SELENOF: variants seen among roughly 807,000 people sequenced by gnomAD.
SELENOF encodes selenoprotein F, also known as 15 kDa selenoprotein.
SELENOF carries 16 observed loss-of-function variants against 20.5 expected under a neutral mutation model. That is an observed-to-expected ratio of 0.78 (90% CI 0.53 to 1.19). The LOEUF is 1.19. Among genes scored for constraint, SELENOF ranks in the 50% most tolerant of loss-of-function variants. The pLI is 0.00. For synonymous variants in SELENOF, 78 were observed against 74.5 expected (o/e 1.05, Z -0.24); for missense variants, 215 against 194.2 (o/e 1.11, Z -0.64).
intron 2 of SELENOF, among the ~76,000 whole-genome samples, chr1:86,899,791 C>T (rs1175770187): frequency 5.4e-5 from 8 of 147,152 alleles, no homozygotes; most frequent in African/African-American, 1.3e-4. Context: ...ACTTCTCAGA[C>T]GGGGCGGCTG....
chr1:86,888,026 C>T (rs189603637), intron 2 of SELENOF, among the ~76,000 whole-genome samples: 39 of 152,188 alleles, frequency 2.6e-4, no homozygotes, highest in Admixed American at 1.1e-3. Flanking sequence ...TTTGGGAGGC[C>T]GAGGTGGGCT....
At chr1:86,899,098 T>G (rs61800715) in intron 2 of SELENOF, among the ~76,000 whole-genome samples, 41,019 of 148,742 alleles carry the variant, frequency 0.28, 7,148 homozygotes, top group African/African-American at 0.49. Flanking sequence ...CACAAGGTTG[T>G]GGGGTAAGGT....
chr1:86,887,187 T>C (rs1358177813), intron 2 of SELENOF: 6 of 1,542,954 alleles, frequency 3.9e-6, no homozygotes, highest in Non-Finnish European at 5.2e-6. Context: ...TTAGAAACAA[T>C]GGATGAATAC....
At chr1:86,906,058 C>T (rs1557471932) in intron 1 of SELENOF, among the ~76,000 whole-genome samples, 1 of 152,166 alleles carries the variant, frequency 6.6e-6, no homozygotes, top group Admixed American at 6.5e-5. Flanking sequence ...TACTTGTTGG[C>T]ATATTCACCC....
chr1:86,879,688 G>A (rs551627935), intron 3 of SELENOF, among the ~76,000 whole-genome samples: 8 of 152,226 alleles, frequency 5.3e-5, no homozygotes, highest in African/African-American at 1.7e-4. Context: ...GAGAGAAAGC[G>A]TTATTACCTT....
At chr1:86,878,634 A>G (rs2740768) in intron 3 of SELENOF, among the ~76,000 whole-genome samples, 18,699 of 152,280 alleles carry the variant, frequency 0.12, 1,235 homozygotes, top group Non-Finnish European at 0.14. Context: ...GTGAGCTGAA[A>G]TTGCGCCACT....
chr1:86,913,886 C>T, intron 1 of SELENOF, 142 bp downstream of exon 1: 1 of 733,154 alleles, frequency 1.4e-6, no homozygotes, highest in Admixed American at 2.5e-5. Context: ...AGAAATTAAG[C>T]CACGTTGCAT....
Position 86,880,671 on chromosome 1 carries a change from G to C in SELENOF, c.307C>G (p.Gln103Glu). ...VCGUKLGRFPQVQAFVRSDKP... is the reference protein window; with the variant it reads ...VCGUKLGRFPEVQAFVRSDKP... ...AGTAAATTTTATATACCTTGGACTT[G>C]AGGGAACCTTCCCAATTTTCATCCA... The change falls in exon 3 of 5, where the codon CAA becomes GAA. Residue 103 changes from glutamine to glutamate, a missense_variant. By Grantham distance (29) the Gln-to-Glu change is conservative (BLOSUM62 2). Coordinates refer to ENST00000331835, the MANE Select transcript of SELENOF (RefSeq NM_004261.5). The C allele has an allele frequency of 6.3e-7, 1 of 1,587,650 alleles. No homozygotes were observed. The highest frequency in any genetic ancestry group is 1.2e-5 in the South Asian group (1 of 86,868).
chr1:86,893,545 GA>G (rs1166593547), intron 2 of SELENOF, among the ~76,000 whole-genome samples: 3 of 144,356 alleles, frequency 2.1e-5, no homozygotes, highest in Non-Finnish European at 3.0e-5. Flanking sequence ...TTGAAACCGG[GA>G]GGCAGAGGTT....
intron 2 of SELENOF, among the ~76,000 whole-genome samples, chr1:86,886,631 G>C (rs1216059205): frequency 6.6e-6 from 1 of 152,008 alleles, no homozygotes; most frequent in South Asian, 2.1e-4. Flanking sequence ...TATATTAAAA[G>C]AAGTTTTTCA....
chr1:86,864,027 T>C (rs1658531983), intron 4 of SELENOF, among the ~76,000 whole-genome samples: 1 of 152,232 alleles, frequency 6.6e-6, no homozygotes, highest in South Asian at 2.1e-4. Context: ...TTTGAGCTTA[T>C]TATTGAAATT....
chr1:86,868,708 A>C (rs1658677118), intron 3 of SELENOF, among the ~76,000 whole-genome samples: 1 of 152,102 alleles, frequency 6.6e-6, no homozygotes, highest in Non-Finnish European at 1.5e-5. Flanking sequence ...GCTAAAAAGG[A>C]GAGGTTAAAA....
intron 3 of SELENOF, among the ~76,000 whole-genome samples, chr1:86,872,537 G>GT (rs34910403): frequency 0.14 from 18,873 of 138,826 alleles, 1,292 homozygotes; most frequent in African/African-American, 0.16. Flanking sequence ...CCCAGCTAAT[G>GT]TTTTTTTTTT....
At chr1:86,872,408 G>C (rs1424348438) in intron 3 of SELENOF, among the ~76,000 whole-genome samples, 5 of 151,928 alleles carry the variant, frequency 3.3e-5, no homozygotes, top group Non-Finnish European at 5.9e-5. Context: ...CGCTCTTGTT[G>C]CCCAGGCTGG....
intron 3 of SELENOF, among the ~76,000 whole-genome samples, chr1:86,874,385 A>T (rs1282387623): frequency 6.6e-6 from 1 of 152,226 alleles, no homozygotes; most frequent in Non-Finnish European, 1.5e-5. Context: ...ACTCAGAGTG[A>T]TCAAACAAAC....
Position 86,868,104 on chromosome 1 carries a change from T to G in SELENOF, c.317-2A>C. 2 of 1,477,016 alleles carry G rather than the reference T, an allele frequency of 1.4e-6. No homozygotes were observed. The highest frequency in any genetic ancestry group is 1.8e-6 in the Non-Finnish European group (2 of 1,085,660). 91.5% of individuals were successfully genotyped at this position (1,477,016 alleles called of 1,614,324 possible). A position where few individuals can be genotyped will look rare whatever the true frequency, so the allele number is the denominator to read the frequency against. ...TGGGTTTATCACTCCTAACAAAAGC[T>G]TATAAAAAAAGAAAAAAAGATTCAG... On this transcript the variant is annotated splice_acceptor_variant, in intron 3 of 4. Coordinates refer to ENST00000331835, the MANE Select transcript of SELENOF (RefSeq NM_004261.5). LOFTEE classifies it high-confidence loss of function.
chr1:86,863,506 C>G lies in SELENOF; in HGVS notation c.466G>C (p.Glu156Gln). 1.2e-6 allele frequency: 2 copies of G among 1,613,500 alleles called. No homozygotes were observed. Among genetic ancestry groups the G allele is most frequent in the Non-Finnish European group, 1.7e-6 (2 of 1,179,684 alleles). ...ILKWNTDSVE[E>Q]FLSEKLERI ...CGTTCCAACTTTTCACTCAGGAATT[C>G]TTCTACACTGTCTGTGTTCCATTTG... The change falls in exon 5 of 5, where the codon GAA (glutamate) becomes CAA (glutamine). Residue 156 changes from glutamate (E) to glutamine (Q), a missense_variant. By Grantham distance (29) the Glu-to-Gln change is conservative (BLOSUM62 2). Coordinates refer to ENST00000331835, the MANE Select transcript of SELENOF (RefSeq NM_004261.5).
chr1:86,891,669 G>C (rs1659386421), intron 2 of SELENOF, among the ~76,000 whole-genome samples: 1 of 151,968 alleles, frequency 6.6e-6, no homozygotes, highest in African/African-American at 2.4e-5. Flanking sequence ...AATATTTTGG[G>C]TTCAATTAAA....
upstream of SELENOF, chr1:86,914,151 T>C: frequency 1.3e-6 from 2 of 1,589,192 alleles, no homozygotes; most frequent in African/African-American, 1.3e-5. Flanking sequence ...ACCCCTAAGC[T>C]AGGGGCGTCC....
Sources: gnomAD v4.1 joint callset for allele counts (sites outside exome capture counted in the v4.1 genomes callset) on GRCh38, gnomAD v4.1.1 for gene constraint, MANE v1.5 for transcripts, NCBI Gene and HGNC (gene_info 2026-07-23, HGNC 2026-07-21) for gene names.